WWOX: variants seen among roughly 807,000 people sequenced by gnomAD.
WWOX encodes WW domain containing oxidoreductase.
WWOX carries 69 observed loss-of-function variants against 46.2 expected under a neutral mutation model. The ratio of observed to expected loss-of-function variants is 1.49; its 90% CI spans 1.23 to 1.82. The LOEUF (loss-of-function observed/expected upper bound fraction) is 1.82. WWOX is among the 40% of genes most tolerant of loss of function. The pLI is 0.00. For missense variants in WWOX, 919 were observed against 542.6 expected (o/e 1.69, Z -6.89); for synonymous variants, 359 against 202.6 (o/e 1.77, Z -6.56).
At chr16:78,749,290 A>G (rs894971453) in intron 8 of WWOX, among the ~76,000 whole-genome samples, 11 of 152,312 alleles carry the variant, frequency 7.2e-5, no homozygotes, top group African/African-American at 2.4e-4. Context: ...GAGAAGTTCA[A>G]TCCTCTTCCC....
At chr16:78,404,587 A>G (rs1239529322) in intron 6 of WWOX, among the ~76,000 whole-genome samples, 1 of 152,072 alleles carries the variant, frequency 6.6e-6, no homozygotes, top group African/African-American at 2.4e-5. Flanking sequence ...AATTTCTTTC[A>G]TATCACAACT....
intron 8 of WWOX, among the ~76,000 whole-genome samples, chr16:78,993,236 A>C (rs1340040919): frequency 6.6e-6 from 1 of 151,332 alleles, no homozygotes; most frequent in Non-Finnish European, 1.5e-5. Flanking sequence ...TAAGCCGAGG[A>C]TAACGGCGCC....
chr16:78,422,778 T>TACAC (rs1224588916), intron 6 of WWOX, among the ~76,000 whole-genome samples: 1 of 125,800 alleles, frequency 7.9e-6, no homozygotes, highest in East Asian at 2.2e-4. Flanking sequence ...TACACACATA[T>TACAC]ATATATACAC....
At chr16:78,634,857 T>C (rs1334205444) in intron 8 of WWOX, among the ~76,000 whole-genome samples, 1 of 151,284 alleles carries the variant, frequency 6.6e-6, no homozygotes, top group Non-Finnish European at 1.5e-5. Context: ...TGTGTGTGTG[T>C]GTGTGTGTGT....
intron 8 of WWOX, among the ~76,000 whole-genome samples, chr16:78,673,083 G>A (rs1432457770): frequency 2.0e-5 from 3 of 152,332 alleles, no homozygotes; most frequent in Non-Finnish European, 2.9e-5. Context: ...TGCTTAGAGG[G>A]CTCAGAGGGA....
chr16:78,895,536 T>G (rs1218316545), intron 8 of WWOX: 1 of 152,200 alleles, frequency 6.6e-6, no homozygotes, highest in Non-Finnish European at 1.5e-5. Context: ...TGTTGTCAAA[T>G]TTACACTGTC....
chr16:78,410,018 G>A (rs2082640505), intron 6 of WWOX, among the ~76,000 whole-genome samples: 1 of 152,184 alleles, frequency 6.6e-6, no homozygotes, highest in Admixed American at 6.5e-5. Flanking sequence ...GGTGTGCTGG[G>A]AGGTATTTGG....
intron 8 of WWOX, among the ~76,000 whole-genome samples, chr16:78,940,351 C>G (rs150051900): frequency 5.3e-4 from 80 of 152,246 alleles, no homozygotes; most frequent in Non-Finnish European, 8.8e-4. Flanking sequence ...AATAAATATG[C>G]AAAACAGTGG....
At chr16:78,650,702 T>C (rs768220785) in intron 8 of WWOX, among the ~76,000 whole-genome samples, 4 of 152,178 alleles carry the variant, frequency 2.6e-5, no homozygotes, top group Non-Finnish European at 5.9e-5. Flanking sequence ...ACATGGACTT[T>C]TAGGAATTCC....
At chr16:78,921,904 A>T (rs922911243) in intron 8 of WWOX, among the ~76,000 whole-genome samples, 1 of 152,228 alleles carries the variant, frequency 6.6e-6, no homozygotes, top group Non-Finnish European at 1.5e-5. Flanking sequence ...TTACAGTTAC[A>T]GTTTATTACA....
chr16:78,620,778 T>C lies in WWOX; in HGVS notation c.1056+188026T>C, dbSNP rs1002678087. Among the ~76,000 whole-genome samples, 3 of 152,154 alleles carry C rather than the reference T, an allele frequency of 2.0e-5. No individual in the cohort carries two copies. The East Asian group carries it at 5.8e-4, about 29-fold the overall frequency. ...CTTTAGTGAGCTCTGCTGGCAAGTG[T>C]GTCAAATTTATAAATATCACTACTA... On this transcript the variant is annotated intron_variant, in intron 8 of 8. Coordinates refer to ENST00000566780, the MANE Select transcript of WWOX (RefSeq NM_016373.4).
At chr16:79,173,278 T>C (rs921288033) in intron 8 of WWOX, among the ~76,000 whole-genome samples, 2 of 124,372 alleles carry the variant, frequency 1.6e-5, no homozygotes, top group Non-Finnish European at 3.4e-5. Context: ...AAGGGAACCC[T>C]GCATGTCCAT....
intron 8 of WWOX, among the ~76,000 whole-genome samples, chr16:78,488,774 A>C (rs1479529049): frequency 1.3e-5 from 2 of 152,152 alleles, no homozygotes; most frequent in Non-Finnish European, 2.9e-5. Flanking sequence ...TCTGAGTCTT[A>C]GTTTCCTTAC....
At chr16:78,678,265 A>C (rs566306897) in intron 8 of WWOX, among the ~76,000 whole-genome samples, 128 of 152,226 alleles carry the variant, frequency 8.4e-4, no homozygotes, top group African/African-American at 2.8e-3. Context: ...AATCCTGGCT[A>C]CTCAGGAGGC....
At chr16:78,964,871 G>A (rs1346143725) in intron 8 of WWOX, among the ~76,000 whole-genome samples, 1 of 152,226 alleles carries the variant, frequency 6.6e-6, no homozygotes, top group Non-Finnish European at 1.5e-5. Context: ...ATGGCTGAAA[G>A]GGGCCAAGGT....
At chr16:78,779,070 A>G (rs1395184684) in intron 8 of WWOX, among the ~76,000 whole-genome samples, 1 of 150,868 alleles carries the variant, frequency 6.6e-6, no homozygotes, top group African/African-American at 2.4e-5. Context: ...AGGGATTCAT[A>G]GAGATCACTC....
At chr16:78,565,049 C>G (rs1343082032) in intron 8 of WWOX, among the ~76,000 whole-genome samples, 1 of 152,192 alleles carries the variant, frequency 6.6e-6, no homozygotes, top group Non-Finnish European at 1.5e-5. Flanking sequence ...GGTTCTTGAA[C>G]TGTTCTCTCC....
intron 8 of WWOX, among the ~76,000 whole-genome samples, chr16:78,463,944 T>A (rs77732329): frequency 0.017 from 2,650 of 152,306 alleles, 94 homozygotes; most frequent in African/African-American, 0.061. Flanking sequence ...TGGAGCTGCC[T>A]TTCCATTAAG....
At chr16:78,598,565 G>T (rs751406225) in intron 8 of WWOX, among the ~76,000 whole-genome samples, 3 of 152,156 alleles carry the variant, frequency 2.0e-5, no homozygotes, top group Non-Finnish European at 4.4e-5. Flanking sequence ...CAGGCTCTCA[G>T]GTCGGTGCCA....
Sources: gnomAD v4.1 joint callset for allele counts (sites outside exome capture counted in the v4.1 genomes callset) on GRCh38, gnomAD v4.1.1 for gene constraint, MANE v1.5 for transcripts, NCBI Gene and HGNC (gene_info 2026-07-23, HGNC 2026-07-21) for gene names.